The following WWOX variants were observed in gnomAD, a reference collection of about 807,000 sequenced individuals.
The protein encoded by WWOX is WW domain containing oxidoreductase.
In WWOX, 69 loss-of-function variants were observed where a neutral mutation model predicts 46.2. The ratio of observed to expected loss-of-function variants is 1.49; its 90% confidence interval spans 1.23 to 1.82. The LOEUF is 1.82. WWOX is among the 40% of genes most tolerant of loss of function. The pLI, the probability that WWOX is intolerant of heterozygous loss-of-function variation, is 0.00. For missense variants in WWOX, 919 were observed against 542.6 expected (o/e 1.69, Z -6.89); for synonymous variants, 359 against 202.6 (o/e 1.77, Z -6.56).
Position 78,321,347 on chromosome 16 carries a change from TAC to T in WWOX, c.517-65512_517-65511del, listed in dbSNP as rs1435205396. 3.1e-4 allele frequency among the ~76,000 whole-genome samples: 17 copies of T among 55,716 alleles called. 1 individual carries two copies. The highest frequency in any genetic ancestry group is 6.9e-4 in the African/African-American group (7 of 10,214). The allele number at this position is 55,716 out of a possible 152,430, so 36.6% of individuals were successfully genotyped here. A position where few individuals can be genotyped will look rare whatever the true frequency, so the allele number is the denominator to read the frequency against. ...ATATACGTATATATGCGTATATATA[TAC>T]GTATATATGCGTATATATATACGTA... On this transcript the variant is annotated intron_variant, in intron 5 of 8. Coordinates refer to ENST00000566780, the MANE Select transcript of WWOX (RefSeq NM_016373.4).
At chr16:78,615,398 C>T (rs188525329) in intron 8 of WWOX, among the ~76,000 whole-genome samples, 12 of 152,220 alleles carry the variant, frequency 7.9e-5, no homozygotes, top group Admixed American at 5.9e-4. Context: ...CCTGTAATTT[C>T]AACACGTAGG....
chr16:78,637,760 T>G (rs973901930), intron 8 of WWOX, among the ~76,000 whole-genome samples: 1 of 151,894 alleles, frequency 6.6e-6, no homozygotes, highest in Non-Finnish European at 1.5e-5. Flanking sequence ...CAGCTAAGAG[T>G]GTCAAAATGG....
intron 8 of WWOX, among the ~76,000 whole-genome samples, chr16:78,684,133 G>T (rs1420468616): frequency 6.6e-6 from 1 of 152,114 alleles, no homozygotes; most frequent in African/African-American, 2.4e-5. Flanking sequence ...TTTATCAGCT[G>T]TCCCTGCTGC....
intron 4 of WWOX, among the ~76,000 whole-genome samples, chr16:78,116,242 ATTCT>A (rs373670006): frequency 1.4e-3 from 212 of 152,256 alleles, no homozygotes; most frequent in African/African-American, 4.8e-3. Context: ...AGTAGGTCTT[ATTCT>A]TTCTTTCTAT....
At position 78,753,434 on chromosome 16, in the gene WWOX, T is replaced by A. The variant is rs187697444; in HGVS notation, c.1056+320682T>A. On this transcript the variant is annotated intron_variant, in intron 8 of 8. Transcript: ENST00000566780. ...GTTGGGAGGACCAGTCACCCCTGTG[T>A]CTTAAGATACTTCTCAGTTTTCTTT... Among the ~76,000 whole-genome samples, 15 of 152,272 alleles carry A rather than the reference T, an allele frequency of 9.9e-5. No homozygotes were observed. The East Asian group carries it at 2.9e-3, about 29-fold the overall frequency.
intron 8 of WWOX, among the ~76,000 whole-genome samples, chr16:78,744,939 T>A (rs537938730): frequency 6.6e-6 from 1 of 152,292 alleles, no homozygotes; most frequent in East Asian, 1.9e-4. Flanking sequence ...GGTCTTAATT[T>A]CCCTACCTGA....
intron 4 of WWOX, among the ~76,000 whole-genome samples, chr16:78,152,046 C>A (rs956342841): frequency 6.6e-6 from 1 of 152,044 alleles, no homozygotes; most frequent in Non-Finnish European, 1.5e-5. Flanking sequence ...AAAAATTAGC[C>A]GGGTGTGGTG....
At chr16:78,286,479 C>T (rs536670151) in intron 5 of WWOX, among the ~76,000 whole-genome samples, 3 of 152,034 alleles carry the variant, frequency 2.0e-5, no homozygotes, top group African/African-American at 4.8e-5. Flanking sequence ...ACTTAACATG[C>T]GATAAAAATT....
intron 8 of WWOX, among the ~76,000 whole-genome samples, chr16:78,610,993 A>G (rs529518314): frequency 6.6e-6 from 1 of 152,284 alleles, no homozygotes; most frequent in Non-Finnish European, 1.5e-5. Context: ...CAACAACAAC[A>G]AAAAACCAAG....
At chr16:78,698,680 C>T (rs947080955) in intron 8 of WWOX, among the ~76,000 whole-genome samples, 4 of 152,004 alleles carry the variant, frequency 2.6e-5, no homozygotes, top group African/African-American at 9.7e-5. Context: ...TATGATAAAC[C>T]TTAAGTATTC....
At chr16:78,750,426 A>G (rs1330561531) in intron 8 of WWOX, among the ~76,000 whole-genome samples, 2 of 152,206 alleles carry the variant, frequency 1.3e-5, no homozygotes, top group African/African-American at 2.4e-5. Context: ...AAGTAAAGAA[A>G]GAACAGTGCT....
At chr16:78,708,174 G>A (rs1029646471) in intron 8 of WWOX, among the ~76,000 whole-genome samples, 1 of 152,150 alleles carries the variant, frequency 6.6e-6, no homozygotes, top group Non-Finnish European at 1.5e-5. Flanking sequence ...CAGAGTGGTA[G>A]AGCAAGACCC....
intron 8 of WWOX, among the ~76,000 whole-genome samples, chr16:78,701,563 C>T (rs78064842): frequency 6.6e-6 from 1 of 152,006 alleles, no homozygotes; most frequent in Non-Finnish European, 1.5e-5. Flanking sequence ...TTTTCCCAGC[C>T]TCCCCCCGAT....
At chr16:78,571,240 C>G (rs1461388234) in intron 8 of WWOX, among the ~76,000 whole-genome samples, 2 of 152,066 alleles carry the variant, frequency 1.3e-5, no homozygotes, top group Non-Finnish European at 2.9e-5. Context: ...AAATGTGTTG[C>G]TTAAATAGAT....
chr16:78,610,182 C>T (rs1292224672), intron 8 of WWOX, among the ~76,000 whole-genome samples: 3 of 152,178 alleles, frequency 2.0e-5, no homozygotes, highest in Non-Finnish European at 4.4e-5. Flanking sequence ...GATATACCTT[C>T]CAAATGGAGT....
At position 79,105,267 on chromosome 16, in the gene WWOX, A is replaced by G. The variant is rs539309991; in HGVS notation, c.1057-106341A>G. ...CATTCAAAGGAATTTTTTTATTTTG[A>G]TAGTGAAAACAATTTCTTTTAGATG... On this transcript the variant is annotated intron_variant, in intron 8 of 8. Coordinates refer to ENST00000566780, the MANE Select transcript of WWOX (RefSeq NM_016373.4). 2.0e-5 allele frequency among the ~76,000 whole-genome samples: 3 copies of G among 152,264 alleles called. No homozygotes were observed. In the East Asian group the frequency reaches 5.8e-4, roughly 29 times the overall value.
At chr16:78,838,715 C>T (rs1460977656) in intron 8 of WWOX, among the ~76,000 whole-genome samples, 3 of 152,092 alleles carry the variant, frequency 2.0e-5, no homozygotes, top group Non-Finnish European at 2.9e-5. Flanking sequence ...TGGTAGCACA[C>T]ACCTGTAATC....
chr16:78,554,237 A>G (rs537809314), intron 8 of WWOX, among the ~76,000 whole-genome samples: 10 of 152,272 alleles, frequency 6.6e-5, no homozygotes, highest in African/African-American at 2.2e-4. Context: ...CATGATGGAA[A>G]GGGAAGAGAA....
At chr16:78,109,160 G>A (rs976317932) in intron 2 of WWOX, among the ~76,000 whole-genome samples, 1 of 152,194 alleles carries the variant, frequency 6.6e-6, no homozygotes, top group Non-Finnish European at 1.5e-5. Flanking sequence ...ACTTCTAGGT[G>A]ATTCTGAGAT....
Sources: gnomAD v4.1 joint callset for allele counts (sites outside exome capture counted in the v4.1 genomes callset) on GRCh38, gnomAD v4.1.1 for gene constraint, MANE v1.5 for transcripts, NCBI Gene and HGNC (gene_info 2026-07-23, HGNC 2026-07-21) for gene names.